Variants in MYO10 observed in about 807,000 individuals in gnomAD.
MYO10 encodes myosin X.
In MYO10, 133 loss-of-function variants were observed where a neutral mutation model predicts 257.3. That is an observed-to-expected ratio of 0.52 (90% CI 0.45 to 0.60). The LOEUF (loss-of-function observed/expected upper bound fraction) is 0.60, where lower values mean the gene tolerates loss of function less well. Among genes scored for constraint, MYO10 ranks in the 20% least tolerant of loss-of-function variants. The pLI is 0.00. For synonymous variants in MYO10, 1,104 were observed against 1,028.6 expected (o/e 1.07, Z -1.40); for missense variants, 2,399 against 2,635.7 (o/e 0.91, Z 1.97).
chr5:16,709,700 A>G (rs1433494343), intron 21 of MYO10, among the ~76,000 whole-genome samples: 1 of 152,264 alleles, frequency 6.6e-6, no homozygotes, highest in Non-Finnish European at 1.5e-5. Flanking sequence ...CAGAGGACCC[A>G]GCTCAGCTGT....
chr5:16,853,124 A>C (rs550784947), intron 2 of MYO10, among the ~76,000 whole-genome samples: 5 of 152,310 alleles, frequency 3.3e-5, no homozygotes, highest in Non-Finnish European at 2.9e-5. Context: ...TAATCCCAGC[A>C]CTTTGGGAGG....
chr5:16,902,500 C>A (rs1305678782), intron 1 of MYO10: 1 of 1,553,842 alleles, frequency 6.4e-7, no homozygotes, highest in Admixed American at 1.7e-5. Flanking sequence ...CTGACTGCTG[C>A]GGCCTCCACT....
At chr5:16,866,139 A>G (rs1744242790) in intron 2 of MYO10, among the ~76,000 whole-genome samples, 3 of 151,996 alleles carry the variant, frequency 2.0e-5, no homozygotes, top group Admixed American at 6.6e-5. Context: ...AAACGTGGGT[A>G]TTTGCCGAAG....
chr5:16,841,302 A>G (rs1327262720), intron 2 of MYO10, among the ~76,000 whole-genome samples: 1 of 152,194 alleles, frequency 6.6e-6, no homozygotes, highest in African/African-American at 2.4e-5. Context: ...AGAAGAACTG[A>G]GATATTAAAG....
intron 33 of MYO10, among the ~76,000 whole-genome samples, chr5:16,676,982 C>T (rs1288883038): frequency 6.6e-6 from 1 of 152,266 alleles, no homozygotes; most frequent in African/African-American, 2.4e-5. Context: ...GTTTTCTATT[C>T]TCTCTATACC....
chr5:16,724,633 TCA>T (rs980145735), intron 19 of MYO10, among the ~76,000 whole-genome samples: 2 of 152,074 alleles, frequency 1.3e-5, no homozygotes, highest in African/African-American at 4.8e-5. Flanking sequence ...CTGCAAGACG[TCA>T]TGAAGTAACT....
At chr5:16,778,840 G>C (rs907233598) in intron 9 of MYO10, among the ~76,000 whole-genome samples, 1 of 151,918 alleles carries the variant, frequency 6.6e-6, no homozygotes, top group East Asian at 1.9e-4. Flanking sequence ...ATAGGCGCCC[G>C]CCACCACGCC....
intron 1 of MYO10, among the ~76,000 whole-genome samples, chr5:16,893,196 C>CAAAAAAAAAAAAAAAAAAAAAA (rs59761183): frequency 2.9e-5 from 2 of 69,572 alleles, no homozygotes; most frequent in African/African-American, 5.1e-5. Flanking sequence ...GACTCTGTCT[C>CAAAAAAAAAAAAAAAAAAAAAA]AAAAAAAAAA....
chr5:16,790,415 A>C (rs569714914), intron 4 of MYO10, among the ~76,000 whole-genome samples: 3 of 152,164 alleles, frequency 2.0e-5, no homozygotes, highest in Admixed American at 2.0e-4. Flanking sequence ...CTGTGTCCCC[A>C]CCCAGATCTC....
intron 9 of MYO10, among the ~76,000 whole-genome samples, chr5:16,772,326 G>T (rs527928639): frequency 1.7e-3 from 254 of 152,058 alleles, no homozygotes; most frequent in African/African-American, 5.7e-3. Flanking sequence ...GAGACAGGGG[G>T]TTCTCCATGT....
At chr5:16,669,248 CTG>C (rs1340448461) in intron 39 of MYO10, among the ~76,000 whole-genome samples, 1 of 151,008 alleles carries the variant, frequency 6.6e-6, no homozygotes, top group East Asian at 2.0e-4. Flanking sequence ...GAGTCTCACT[CTG>C]TCGCCCAGGC....
At chr5:16,877,963 A>G (rs1463834978) in intron 1 of MYO10, among the ~76,000 whole-genome samples, 2 of 152,188 alleles carry the variant, frequency 1.3e-5, no homozygotes, top group African/African-American at 2.4e-5. Context: ...CTGTGTTCTC[A>G]CCATGCAACT....
chr5:16,699,673 G>C (rs765275207), intron 25 of MYO10, 100 bp from the exon 26 acceptor site: 1 of 1,509,536 alleles, frequency 6.6e-7, no homozygotes. Flanking sequence ...CAAAAATACA[G>C]CTACTCAAGA....
intron 1 of MYO10, among the ~76,000 whole-genome samples, chr5:16,884,198 C>T (rs753715887): frequency 6.6e-6 from 1 of 152,166 alleles, no homozygotes; most frequent in Non-Finnish European, 1.5e-5. Flanking sequence ...TGAGACCAGC[C>T]TGGGCATCCT....
chr5:16,933,609 TC>T, intron 1 of MYO10, among the ~76,000 whole-genome samples: 1 of 152,216 alleles, frequency 6.6e-6, no homozygotes. Flanking sequence ...ATATATCACT[TC>T]CACACTCGCT....
At chr5:16,898,313 G>A (rs567864857) in intron 1 of MYO10, among the ~76,000 whole-genome samples, 2 of 151,318 alleles carry the variant, frequency 1.3e-5, no homozygotes, top group Non-Finnish European at 2.9e-5. Flanking sequence ...TTTTAACCCA[G>A]AGATCCAAAG....
intron 1 of MYO10, among the ~76,000 whole-genome samples, chr5:16,905,808 C>A (rs937016642): frequency 5.9e-5 from 9 of 152,102 alleles, no homozygotes; most frequent in African/African-American, 2.2e-4. Flanking sequence ...GGGTGGGTAG[C>A]GTCTTCACAC....
chr5:16,826,922 C>A (rs1743017949), intron 2 of MYO10, among the ~76,000 whole-genome samples: 1 of 152,160 alleles, frequency 6.6e-6, no homozygotes, highest in Non-Finnish European at 1.5e-5. Flanking sequence ...GCTTCACTGA[C>A]CCTGTGCTTT....
intron 26 of MYO10, among the ~76,000 whole-genome samples, chr5:16,697,534 T>C (rs1026423043): frequency 5.3e-5 from 8 of 151,954 alleles, no homozygotes; most frequent in African/African-American, 1.9e-4. Flanking sequence ...ACCCTGTCTC[T>C]ACTAAAAATA....
Sources: gnomAD v4.1 joint callset for allele counts (sites outside exome capture counted in the v4.1 genomes callset) on GRCh38, gnomAD v4.1.1 for gene constraint, MANE v1.5 for transcripts, NCBI Gene and HGNC (gene_info 2026-07-23, HGNC 2026-07-21) for gene names.